Variants in NECTIN1 observed in about 807,000 individuals in gnomAD.
The protein encoded by NECTIN1 is nectin-1.
Under a neutral mutation model 48.0 loss-of-function variants are expected in NECTIN1, and 23 were observed. The ratio of observed to expected loss-of-function variants is 0.48; its 90% CI spans 0.34 to 0.68. The LOEUF (loss-of-function observed/expected upper bound fraction) is 0.68, where lower values mean the gene tolerates loss of function less well. Ranked by LOEUF, NECTIN1 falls within the 30% of genes least tolerant of loss-of-function variation. NECTIN1 has a pLI of 0.01. For synonymous variants in NECTIN1, 270 were observed against 288.9 expected, an observed-to-expected ratio of 0.93 and a Z score of 0.66; for missense variants, 591 against 709.9, an observed-to-expected ratio of 0.83 and a Z score of 1.90.
In NECTIN1 at chr11:119,662,866, G is replaced by A; in HGVS notation, c.*1881C>T. 1 of 986,056 alleles carries A rather than the reference G, an allele frequency of 1.0e-6. No homozygotes were observed. The allele number at this position is 986,056 out of a possible 1,614,324, so 61.1% of individuals were successfully genotyped here. ...TGTGTAGAGGGGAGAGCCGCACCAGGGCTGGCATGGCTTCAGACTTCTGCT... is the reference window on the plus strand; with the variant it reads ...TGTGTAGAGGGGAGAGCCGCACCAGAGCTGGCATGGCTTCAGACTTCTGCT... On this transcript the variant is annotated 3_prime_UTR_variant, in exon 6 of 6. Coordinates refer to ENST00000264025, the MANE Select transcript of NECTIN1 (RefSeq NM_002855.5). This position sits in a 1 kb window ranked among gnomAD's most constrained non-coding sequence, Gnocchi z 5.3.
At chr11:119,648,313 GTGA>G (rs1242751737) in intron 5 of NECTIN1, among the ~76,000 whole-genome samples, 29 of 34,436 alleles carry the variant, frequency 8.4e-4, no homozygotes, top group East Asian at 6.3e-3. Context: ...GGTGATGGTG[GTGA>G]TGGTGATGGT....
chr11:119,679,200 G>T (rs138717434), intron 1 of NECTIN1, among the ~76,000 whole-genome samples: 4 of 152,284 alleles, frequency 2.6e-5, no homozygotes, highest in African/African-American at 9.6e-5. Flanking sequence ...GCCATGCACT[G>T]GCTGCTTTGT....
chr11:119,668,636 G>A (rs186964638), intron 5 of NECTIN1, among the ~76,000 whole-genome samples: 54 of 152,236 alleles, frequency 3.5e-4, no homozygotes, highest in Admixed American at 8.5e-4. Flanking sequence ...CCAGTTTACC[G>A]TGATCTTTTT....
intron 7 of NECTIN1, chr11:119,638,597 C>T (rs1197083025): frequency 1.2e-6 from 1 of 856,950 alleles, no homozygotes; most frequent in African/African-American, 1.7e-5. Context: ...CTAGCATGGA[C>T]CTGGCCTTGT....
chr11:119,675,151 C>G lies in NECTIN1; in HGVS notation c.1003+8G>C. Reference sequence around the variant, plus strand: ...TGCGGAGAGGCTGGGGAGGATGCAGCTTCCTACCTGTGATATTGACCTCCA... The same window carrying G: ...TGCGGAGAGGCTGGGGAGGATGCAGGTTCCTACCTGTGATATTGACCTCCA... On this transcript the variant is annotated splice_region_variant and intron_variant, in intron 5 of 5. Coordinates refer to ENST00000264025, the MANE Select transcript of NECTIN1 (RefSeq NM_002855.5). The G allele has an allele frequency of 1.2e-6, 2 of 1,614,112 alleles. No homozygotes were observed. Among genetic ancestry groups the G allele is most frequent in the East Asian group, 2.2e-5 (1 of 44,876 alleles).
At chr11:119,714,295 G>A (rs1303216124) in intron 1 of NECTIN1, among the ~76,000 whole-genome samples, 1 of 152,154 alleles carries the variant, frequency 6.6e-6, no homozygotes, top group Non-Finnish European at 1.5e-5. Flanking sequence ...TGCCAAAAGC[G>A]GGGTGCCTCA....
intron 5 of NECTIN1, among the ~76,000 whole-genome samples, chr11:119,654,632 C>CA (rs1864542615): frequency 6.6e-6 from 1 of 151,448 alleles, no homozygotes; most frequent in African/African-American, 2.4e-5. Context: ...AGTGCAGTGG[C>CA]ACAATCTCAG....
At chr11:119,703,306 C>T (rs2135572676) in intron 1 of NECTIN1, among the ~76,000 whole-genome samples, 1 of 152,348 alleles carries the variant, frequency 6.6e-6, no homozygotes, top group South Asian at 2.1e-4. Context: ...GTGCTGGAGG[C>T]CCAAGTAGTC....
intron 5 of NECTIN1, among the ~76,000 whole-genome samples, chr11:119,667,975 T>C (rs1335665657): frequency 6.6e-6 from 1 of 152,202 alleles, no homozygotes; most frequent in Non-Finnish European, 1.5e-5. Flanking sequence ...TCAGAGCCTG[T>C]TACCTTCTCG....
chr11:119,639,644 T>A (rs1864294214), intron 6 of NECTIN1: 2 of 605,164 alleles, frequency 3.3e-6, no homozygotes. Flanking sequence ...AATGCATCTT[T>A]ATGAAGCCCT....
chr11:119,716,278 G>C (rs1401186598), intron 1 of NECTIN1, among the ~76,000 whole-genome samples: 2 of 152,080 alleles, frequency 1.3e-5, no homozygotes, highest in African/African-American at 4.8e-5. Flanking sequence ...CAGCCAGGAG[G>C]GTTCCTGGGC....
intron 1 of NECTIN1, among the ~76,000 whole-genome samples, chr11:119,702,414 C>T (rs1251470625): frequency 6.6e-6 from 1 of 152,260 alleles, no homozygotes; most frequent in Non-Finnish European, 1.5e-5. Context: ...CAGCCACCGC[C>T]AGATGCCATC....
At chr11:119,675,010 A>G in intron 5 of NECTIN1, 149 bp downstream of exon 5, 1 of 1,058,754 alleles carries the variant, frequency 9.4e-7, no homozygotes, top group Non-Finnish European at 1.4e-6. Context: ...AGAAAAGCAA[A>G]GCAAAACCAA....
intron 5 of NECTIN1, among the ~76,000 whole-genome samples, chr11:119,649,698 A>G (rs1864461953): frequency 6.6e-6 from 1 of 152,212 alleles, no homozygotes; most frequent in African/African-American, 2.4e-5. Context: ...TCCAAAAAAA[A>G]GAGGAATGTT....
At chr11:119,693,129 AG>A (rs1312722863) in intron 1 of NECTIN1, among the ~76,000 whole-genome samples, 1 of 152,062 alleles carries the variant, frequency 6.6e-6, no homozygotes, top group Non-Finnish European at 1.5e-5. Flanking sequence ...AGACATGAAA[AG>A]CCCCCATTCT....
At chr11:119,722,675 G>C (rs1268435290) in intron 1 of NECTIN1, among the ~76,000 whole-genome samples, 4 of 152,232 alleles carry the variant, frequency 2.6e-5, no homozygotes, top group African/African-American at 9.6e-5. Context: ...AGGCAGCCAG[G>C]CTCCCGAGTG....
At chr11:119,688,104 T>C (rs527332972) in intron 1 of NECTIN1, among the ~76,000 whole-genome samples, 1 of 152,290 alleles carries the variant, frequency 6.6e-6, no homozygotes, top group Admixed American at 6.5e-5. Flanking sequence ...CTGCTGCTTT[T>C]TAGCTGGTTG....
intron 1 of NECTIN1, among the ~76,000 whole-genome samples, chr11:119,685,090 G>C (rs1205137343): frequency 6.6e-6 from 1 of 152,220 alleles, no homozygotes; most frequent in Non-Finnish European, 1.5e-5. Context: ...AGTCCGGCCT[G>C]GCCTTGCACT....
At chr11:119,711,509 C>G (rs1298974495) in intron 1 of NECTIN1, among the ~76,000 whole-genome samples, 1 of 152,086 alleles carries the variant, frequency 6.6e-6, no homozygotes, top group Non-Finnish European at 1.5e-5. Context: ...AGGTGCTGAG[C>G]TAGGGCCTGC....
Sources: gnomAD v4.1 joint callset for allele counts (sites outside exome capture counted in the v4.1 genomes callset) on GRCh38, gnomAD v4.1.1 for gene constraint, Gnocchi (gnomAD v3.1) non-coding constraint, MANE v1.5 for transcripts, NCBI Gene and HGNC (gene_info 2026-07-23, HGNC 2026-07-21) for gene names.